SNRNP35: variants seen among roughly 807,000 people sequenced by gnomAD.
SNRNP35 encodes U11/U12 small nuclear ribonucleoprotein 35 kDa protein.
Under a neutral mutation model 24.3 loss-of-function variants are expected in SNRNP35, and 16 were observed. That is an observed-to-expected ratio of 0.66 (90% CI 0.45 to 1.00). The LOEUF (loss-of-function observed/expected upper bound fraction) is 1.00, where lower values mean the gene tolerates loss of function less well. Ranked by LOEUF, SNRNP35 falls within the 50% of genes least tolerant of loss-of-function variation. The pLI is 0.00. For missense variants in SNRNP35, 292 were observed against 327.2 expected (o/e 0.89, Z 0.83); for synonymous variants, 106 against 124.8 (o/e 0.85, Z 1.00).
chr12:123,467,452 C>T (rs565973313), downstream of SNRNP35, among the ~76,000 whole-genome samples: 1 of 152,112 alleles, frequency 6.6e-6, no homozygotes, highest in Non-Finnish European at 1.5e-5. Context: ...ACAGCTAGTT[C>T]TGATGGATTG....
chr12:123,466,312 T>TA lies in SNRNP35; in HGVS notation c.*32dup. On this transcript the variant is annotated 3_prime_UTR_variant, in exon 2 of 2. Transcript: ENST00000526639. ...CAACAGCAGAACCCCAAAGTGAAGT[T>TA]ACAGTGGAAATGAGTGGAGGGGGAT... 1 of 1,505,556 alleles carries TA rather than the reference T, an allele frequency of 6.6e-7. No individual in the cohort carries two copies. The allele number at this position is 1,505,556 out of a possible 1,614,324, so 93.3% of individuals were successfully genotyped here.
rs1249472789 is a variant in SNRNP35, at chr12:123,466,018, C to G, written c.478C>G (p.Arg160Gly). The G allele has an allele frequency of 6.2e-7, 1 of 1,613,884 alleles. No homozygotes were observed. Among genetic ancestry groups the G allele is most frequent in the Non-Finnish European group, 8.5e-7 (1 of 1,180,018 alleles). The change falls in exon 2 of 2, where the codon CGG becomes GGG. Residue 160 changes from arginine to glycine, a missense_variant. Physicochemically the swap from Arg to Gly is moderately radical, Grantham distance 125. Transcript: ENST00000526639. ...SGQLRFGGRD[R>G]PFRKPINLPV... ...GCAACTGAGATTTGGGGGACGGGAC[C>G]GGCCTTTTCGAAAACCTATTAACTT...
intron 1 of SNRNP35, 146 bp downstream of exon 1, chr12:123,458,362 G>C (rs1880393994): frequency 2.6e-6 from 1 of 391,146 alleles, no homozygotes; most frequent in African/African-American, 2.2e-5. Context: ...GTTGCGGGGA[G>C]TGGGGACGAG....
intron 1 of SNRNP35, chr12:123,459,986 G>C: frequency 1.1e-6 from 1 of 928,290 alleles, no homozygotes; most frequent in Non-Finnish European, 1.7e-6. Context: ...TTAATTTGAA[G>C]AAGTCTTAAA....
chr12:123,470,473 CAAAAAAA>C (rs57574691), downstream of SNRNP35: 12 of 86,202 alleles, frequency 1.4e-4, no homozygotes, highest in East Asian at 3.8e-4. Context: ...ACCCTGTGTC[CAAAAAAA>C]AAAAAAAAAA....
At chr12:123,470,987 CCT>C (rs1372525348), downstream of SNRNP35, 1 of 151,900 alleles carries the variant, frequency 6.6e-6, no homozygotes, top group African/African-American at 2.4e-5. Flanking sequence ...CAATAATTAC[CCT>C]GTCTGATCAT....
intron 1 of SNRNP35, chr12:123,459,866 C>A (rs1276567501): frequency 6.3e-7 from 1 of 1,595,976 alleles, no homozygotes; most frequent in South Asian, 1.1e-5. Context: ...AGGAAGTGCA[C>A]CTAGAAAGAT....
intron 1 of SNRNP35, among the ~76,000 whole-genome samples, chr12:123,463,411 T>C (rs1880741845): frequency 1.3e-5 from 2 of 151,718 alleles, no homozygotes; most frequent in Non-Finnish European, 2.9e-5. Flanking sequence ...AGACTCTCGC[T>C]CTGTCACCCA....
At chr12:123,469,506 T>G (rs1443084102), downstream of SNRNP35, among the ~76,000 whole-genome samples, 1 of 151,540 alleles carries the variant, frequency 6.6e-6, no homozygotes, top group East Asian at 1.9e-4. Flanking sequence ...ACATTTTTTT[T>G]TCTTTTTTGA....
exon 2 of SNRNP35, chr12:123,472,593 G>A (rs778398997): frequency 7.0e-6 from 11 of 1,566,156 alleles, no homozygotes; most frequent in Non-Finnish European, 8.7e-7. Context: ...ATCGCGGTGG[G>A]TGTTTGCCCA....
intron 1 of SNRNP35, among the ~76,000 whole-genome samples, chr12:123,461,581 G>C (rs774651508): frequency 6.6e-6 from 1 of 152,080 alleles, no homozygotes. Flanking sequence ...TGACAGCAGA[G>C]AGGCAGCCTC....
chr12:123,473,090 A>T, exon 2 of SNRNP35: 1 of 189,732 alleles, frequency 5.3e-6, no homozygotes, highest in Non-Finnish European at 1.1e-5. Context: ...TCTGTTGTAA[A>T]CGAATGAGTA....
At chr12:123,459,847 C>T in intron 1 of SNRNP35, 1 of 1,589,556 alleles carries the variant, frequency 6.3e-7, no homozygotes, top group Non-Finnish European at 8.6e-7. Flanking sequence ...CAACCTAATG[C>T]TGCCGGGGAG....
Position 123,458,144 on chromosome 12 carries a change from C to G in SNRNP35, c.-76C>G. 4.1e-6 allele frequency: 4 copies of G among 985,370 alleles called. No individual in the cohort carries two copies. The highest frequency in any genetic ancestry group is 4.7e-5 in the South Asian group (1 of 21,278). 61.0% of individuals were successfully genotyped at this position (985,370 alleles called of 1,614,324 possible). A position where few individuals can be genotyped will look rare whatever the true frequency, so the allele number is the denominator to read the frequency against. On this transcript the variant is annotated 5_prime_UTR_variant, in exon 1 of 2. Coordinates refer to ENST00000526639, the MANE Select transcript of SNRNP35 (RefSeq NM_022717.4). ...ACCAATGTAAAGGTCAGGCCGAGGC[C>G]GGCGCGGAGAATCTGCTGTCGCCTG...
At chr12:123,464,776 A>G (rs1880850973) in intron 1 of SNRNP35, 1 of 152,238 alleles carries the variant, frequency 6.6e-6, no homozygotes, top group East Asian at 1.9e-4. Flanking sequence ...TCAGCTAGGG[A>G]TCTGAGAAGA....
Position 123,472,587 on chromosome 12 carries a change from C to T in SNRNP35, n.1594C>T, listed in dbSNP as rs1185549696. 48 of 1,560,750 alleles carry T rather than the reference C, an allele frequency of 3.1e-5. No individual in the cohort carries two copies. Among genetic ancestry groups the T allele is most frequent in the Non-Finnish European group, 3.8e-5 (44 of 1,151,998 alleles). ...TCCTTGCTCTGTGTAACCGTCATCG[C>T]GGTGGGTGTTTGCCCACTGTCCAAA... On this transcript the variant is annotated non_coding_transcript_exon_variant, in exon 2 of 2. Transcript: ENST00000527158.
At chr12:123,467,335 C>A (rs566913756), downstream of SNRNP35, among the ~76,000 whole-genome samples, 5 of 152,320 alleles carry the variant, frequency 3.3e-5, no homozygotes, top group Middle Eastern at 3.4e-3. Flanking sequence ...AGTTGCTGGG[C>A]TGTGATCTAT....
Position 123,466,187 on chromosome 12 carries a change from C to T in SNRNP35, c.647C>T (p.Pro216Leu), listed in dbSNP as rs142113918. Residue 216 changes from proline (P) to leucine (L), a missense_variant, in exon 2 of 2, where the codon CCG (proline) becomes CTG (leucine). Pro to Leu is a moderately conservative substitution (Grantham distance 98, BLOSUM62 -3). Coordinates refer to ENST00000526639, the MANE Select transcript of SNRNP35 (RefSeq NM_022717.4). ...GREKRWQERE[P>L]TRVWPDNDWE... The stretch of plus-strand genomic sequence containing the variant: ...GAGAAGAGATGGCAAGAAAGAGAGC[C>T]GACCAGGGTGTGGCCCGACAATGAC... 3.7e-4 allele frequency: 589 copies of T among 1,600,808 alleles called. No homozygotes were observed. Among genetic ancestry groups the T allele is most frequent in the Admixed American group, 4.9e-4 (28 of 57,176 alleles).
downstream of SNRNP35, chr12:123,470,616 T>C (rs1476021753): frequency 6.6e-6 from 1 of 152,030 alleles, no homozygotes; most frequent in East Asian, 1.9e-4. Flanking sequence ...AAACCCCGTC[T>C]TTACTAAAAA....
Sources: gnomAD v4.1 joint callset for allele counts (sites outside exome capture counted in the v4.1 genomes callset) on GRCh38, gnomAD v4.1.1 for gene constraint, MANE v1.5 for transcripts, NCBI Gene and HGNC (gene_info 2026-07-23, HGNC 2026-07-21) for gene names.